Variants in CHODL observed in about 807,000 individuals in gnomAD.
CHODL encodes transmembrane protein MT75.
A neutral mutation model predicts 34.5 loss-of-function variants in CHODL; 29 were observed. The observed-to-expected ratio is 0.84, with a 90% CI of 0.63 to 1.15. The LOEUF is 1.15. CHODL is among the 50% of genes most tolerant of loss of function. The pLI is 0.00. For synonymous variants in CHODL, 125 were observed against 116.1 expected, an observed-to-expected ratio of 1.08 and a Z score of -0.49; for missense variants, 332 against 332.5, an observed-to-expected ratio of 1.00 and a Z score of 0.01.
chr21:18,252,931 G>A (rs1043025371), intron 1 of CHODL, among the ~76,000 whole-genome samples: 40 of 152,208 alleles, frequency 2.6e-4, no homozygotes, highest in African/African-American at 9.1e-4. Flanking sequence ...CTGGCACAGA[G>A]AGTGTCAAGC....
intron 2 of CHODL, among the ~76,000 whole-genome samples, chr21:18,134,801 C>T (rs976205677): frequency 6.6e-6 from 1 of 152,158 alleles, no homozygotes; most frequent in Non-Finnish European, 1.5e-5. Context: ...ATAGATCTTT[C>T]CTTTGATCAA....
intron 2 of CHODL, among the ~76,000 whole-genome samples, chr21:18,148,916 T>G (rs2072932115): frequency 6.6e-6 from 1 of 152,104 alleles, no homozygotes; most frequent in Non-Finnish European, 1.5e-5. Context: ...ATGGAGCCCT[T>G]TTTTTAAACT....
At chr21:18,011,461 T>A (rs1370524520) in intron 1 of CHODL, among the ~76,000 whole-genome samples, 1 of 152,220 alleles carries the variant, frequency 6.6e-6, no homozygotes, top group Non-Finnish European at 1.5e-5. Context: ...TTTTCTTCCT[T>A]TGTTTTTTAG....
chr21:18,266,220 G>GT lies in CHODL; in HGVS notation c.*183dup, dbSNP rs1236389487. The GT allele has an allele frequency of 6.6e-7, 1 of 1,519,636 alleles. No individual in the cohort carries two copies. The highest frequency in any genetic ancestry group is 8.8e-7 in the Non-Finnish European group (1 of 1,132,952). 94.1% of individuals were successfully genotyped at this position (1,519,636 alleles called of 1,614,324 possible). On this transcript the variant is annotated 3_prime_UTR_variant, in exon 6 of 6. Transcript: ENST00000299295. ...TATTATTTCATTTAAAGAATATGCTGTGCTAATAATGGAGTGAGACATGCT... is the reference window on the plus strand; with the variant it reads ...TATTATTTCATTTAAAGAATATGCTGTTGCTAATAATGGAGTGAGACATGCT...
At chr21:18,104,534 C>A (rs2065252030) in intron 2 of CHODL, among the ~76,000 whole-genome samples, 1 of 152,080 alleles carries the variant, frequency 6.6e-6, no homozygotes, top group Non-Finnish European at 1.5e-5. Flanking sequence ...TGAAAACAAA[C>A]TAATAAAATA....
chr21:18,248,622 AAT>A (rs200337224), intron 1 of CHODL, among the ~76,000 whole-genome samples: 6 of 118,492 alleles, frequency 5.1e-5, no homozygotes, highest in Admixed American at 1.9e-4. Context: ...ATACATATAT[AAT>A]ATATATAATA....
At chr21:18,120,309 C>A (rs1290014640) in intron 2 of CHODL, among the ~76,000 whole-genome samples, 1 of 152,054 alleles carries the variant, frequency 6.6e-6, no homozygotes, top group Non-Finnish European at 1.5e-5. Flanking sequence ...CTGAACATAC[C>A]TGGGACCAAG....
chr21:17,974,857 G>C (rs1373960489), intron 1 of CHODL, among the ~76,000 whole-genome samples: 1 of 150,588 alleles, frequency 6.6e-6, no homozygotes, highest in Non-Finnish European at 1.5e-5. Context: ...GGAGAATAGA[G>C]ATTGCCAAAT....
rs150349420 is a variant in CHODL at position 17,996,439 on chromosome 21, C to G, written c.-144-31433C>G. ...ATGAACTGTGTCTGATTATCTTGGA[C>G]TCCTCTGCAGGTCTCAGTAGAGTGG... On this transcript the variant is annotated intron_variant, in intron 1 of 6. Coordinates refer to the CHODL transcript ENST00000400127. 5.5e-3 allele frequency among the ~76,000 whole-genome samples: 843 copies of G among 152,310 alleles called. 8 individuals carry two copies. Among genetic ancestry groups the G allele is most frequent in the African/African-American group, 0.013 (554 of 41,564 alleles).
chr21:17,984,857 TC>T (rs2063740930), intron 1 of CHODL, among the ~76,000 whole-genome samples: 1 of 152,190 alleles, frequency 6.6e-6, no homozygotes, highest in African/African-American at 2.4e-5. Context: ...ATTATTTTCT[TC>T]ACTAATTTGA....
At chr21:18,262,419 T>C (rs1042588473) in intron 4 of CHODL, among the ~76,000 whole-genome samples, 3 of 152,162 alleles carry the variant, frequency 2.0e-5, no homozygotes, top group African/African-American at 7.2e-5. Flanking sequence ...TACAAACCCC[T>C]GCACCATGTT....
At chr21:18,150,572 A>G (rs1480979957) in intron 2 of CHODL, among the ~76,000 whole-genome samples, 2 of 152,108 alleles carry the variant, frequency 1.3e-5, no homozygotes, top group Non-Finnish European at 2.9e-5. Context: ...TCATGCGGGA[A>G]AAAGGGGGCC....
Position 18,193,712 on chromosome 21 carries a change from A to AAAT in CHODL, c.-44-62795_-44-62794insTAA, listed in dbSNP as rs1555881307. Among the ~76,000 whole-genome samples the AAAT allele has an allele frequency of 2.8e-3, 393 of 139,334 alleles. 2 individuals carry two copies. Among genetic ancestry groups the AAAT allele is most frequent in the African/African-American group, 1.0e-2 (354 of 35,558 alleles). The allele number at this position is 139,334 out of a possible 152,430, so 91.4% of individuals were successfully genotyped here. On this transcript the variant is annotated intron_variant, in intron 2 of 6. Transcript: ENST00000400127. ...CTCTGTCTCAGAAAAAAAAAAAAAT[A>AAAT]AAATAAATAAATAAATAAATAAATA...
At chr21:17,931,521 C>G (rs555383651) in intron 1 of CHODL, among the ~76,000 whole-genome samples, 1 of 152,160 alleles carries the variant, frequency 6.6e-6, no homozygotes, top group Non-Finnish European at 1.5e-5. Context: ...CCCAAAGGAT[C>G]GTACTAGCTT....
intron 2 of CHODL, among the ~76,000 whole-genome samples, chr21:18,211,239 A>T (rs537800433): frequency 6.6e-6 from 1 of 152,112 alleles, no homozygotes; most frequent in East Asian, 1.9e-4. Context: ...GTAGCATAAA[A>T]TGTGTTTTAA....
In CHODL at chr21:18,081,519, A is replaced by G. The variant is rs540049820; in HGVS notation, c.-45+53548A>G. On this transcript the variant is annotated intron_variant, in intron 2 of 6. Transcript: ENST00000400127. ...AACATGGTAAAACCCTGTCTCAACT[A>G]AAAGTACAAAAATTAGCCAGGCATG... Among the ~76,000 whole-genome samples, 6 of 152,142 alleles carry G rather than the reference A, an allele frequency of 3.9e-5. No homozygotes were observed. In the East Asian group the frequency reaches 9.7e-4, roughly 25 times the overall value.
At chr21:17,986,643 A>T (rs1190404987) in intron 1 of CHODL, among the ~76,000 whole-genome samples, 1 of 152,200 alleles carries the variant, frequency 6.6e-6, no homozygotes, top group Non-Finnish European at 1.5e-5. Context: ...ATGTGTCTTT[A>T]TCACAGAATG....
intron 1 of CHODL, among the ~76,000 whole-genome samples, chr21:17,938,922 T>A (rs2063341790): frequency 6.6e-6 from 1 of 152,200 alleles, no homozygotes; most frequent in Non-Finnish European, 1.5e-5. Context: ...TGTTTCCACA[T>A]AGGTATTATT....
At chr21:18,024,301 A>AT (rs2064153828) in intron 1 of CHODL, among the ~76,000 whole-genome samples, 1 of 152,058 alleles carries the variant, frequency 6.6e-6, no homozygotes, top group Admixed American at 6.5e-5. Context: ...TCTTTCTTTG[A>AT]TTTTGAATGT....
Sources: gnomAD v4.1 joint callset for allele counts (sites outside exome capture counted in the v4.1 genomes callset) on GRCh38, gnomAD v4.1.1 for gene constraint, MANE v1.5 for transcripts, NCBI Gene and HGNC (gene_info 2026-07-23, HGNC 2026-07-21) for gene names.